Variants in EML6 observed in about 807,000 individuals in gnomAD.
EML6 encodes the protein echinoderm microtubule-associated protein-like 6.
In EML6, 154 loss-of-function variants were observed where a neutral mutation model predicts 240.1. The ratio of observed to expected loss-of-function variants is 0.64; its 90% CI spans 0.56 to 0.73. EML6 has a LOEUF of 0.73. Ranked by LOEUF, EML6 falls within the 30% of genes least tolerant of loss-of-function variation. The pLI, the probability that EML6 is intolerant of heterozygous loss-of-function variation, is 0.00. For missense variants in EML6, 2,964 were observed against 2,474.6 expected (o/e 1.20, Z -4.20); for synonymous variants, 1,148 against 899.0 (o/e 1.28, Z -4.95).
In EML6 at chr2:54,829,418, A is replaced by C. The variant is rs1288676069; in HGVS notation, c.788A>C (p.Asp263Ala). 3.2e-6 allele frequency: 5 copies of C among 1,551,882 alleles called. No individual in the cohort carries two copies. The highest frequency in any genetic ancestry group is 4.4e-6 in the Non-Finnish European group (5 of 1,146,832). The change falls in exon 7 of 42, where the codon GAC (aspartate) becomes GCC (alanine). Residue 263 changes from aspartate to alanine, a missense_variant. Transcript: ENST00000356458. ...GGRDGCIRLW[D>A]TDFKPITKID... is the part of the protein sequence containing the mutation. ...CGAGATGGGTGTATACGACTGTGGG[A>C]CACTGATTTCAAACCAATAACCAAA... is the stretch of plus-strand genomic sequence containing the variant.
rs144873974 is a variant in EML6 at position 54,753,523 on chromosome 2, G to T, written c.197+28265G>T. Among the ~76,000 whole-genome samples the T allele has an allele frequency of 1.8e-3, 281 of 152,274 alleles. 4 individuals carry two copies. In the South Asian group the frequency reaches 0.038, roughly 20 times the overall value. On this transcript the variant is annotated intron_variant, in intron 2 of 41. Transcript: ENST00000356458. Reference sequence around the variant, plus strand: ...TGGAAGTAGTGATGCTATGAGGAAGGCTCGACTGACCATTGCTGGCTTTGA... The same window carrying T: ...TGGAAGTAGTGATGCTATGAGGAAGTCTCGACTGACCATTGCTGGCTTTGA...
At chr2:54,766,984 C>T (rs1185907978) in intron 2 of EML6, among the ~76,000 whole-genome samples, 1 of 152,020 alleles carries the variant, frequency 6.6e-6, no homozygotes, top group Non-Finnish European at 1.5e-5. Context: ...GCAATAGCAG[C>T]TAAAAGTAGC....
chr2:54,910,045 T>C (rs186126650), intron 24 of EML6, among the ~76,000 whole-genome samples: 2 of 152,246 alleles, frequency 1.3e-5, no homozygotes, highest in East Asian at 1.9e-4. Flanking sequence ...TGTATATGTA[T>C]ACTGAATTAT....
chr2:54,869,445 A>G, intron 15 of EML6, 78 bp downstream of exon 15: 1 of 1,092,974 alleles, frequency 9.1e-7, no homozygotes, highest in Non-Finnish European at 1.3e-6. Context: ...TTAGAAATTC[A>G]AGAAATGCTT....
Position 54,838,804 on chromosome 2 carries a change from G to T in EML6, c.848-5243G>T, listed in dbSNP as rs1222933360. ...CGTTTCTCATCACAAGTGGCACAGG[G>T]TATGGTGTCCAAATGTGGACACCTC... On this transcript the variant is annotated intron_variant, in intron 7 of 41. Coordinates refer to ENST00000356458, the MANE Select transcript of EML6 (RefSeq NM_001039753.4). Among the ~76,000 whole-genome samples the T allele has an allele frequency of 2.0e-5, 3 of 152,286 alleles. No homozygotes were observed. The East Asian group carries it at 5.8e-4, about 29-fold the overall frequency.
intron 2 of EML6, among the ~76,000 whole-genome samples, chr2:54,790,814 C>G (rs1010854148): frequency 2.0e-5 from 3 of 151,368 alleles, no homozygotes; most frequent in Non-Finnish European, 2.9e-5. Context: ...CAAGCTCCGC[C>G]TCCCAGGTTC....
chr2:54,843,819 T>G (rs1442604828), intron 7 of EML6, among the ~76,000 whole-genome samples: 7 of 132,704 alleles, frequency 5.3e-5, no homozygotes, highest in Admixed American at 4.2e-4. Context: ...CTCTATAGTC[T>G]GGGTGACAGA....
At chr2:54,750,026 T>C (rs938245317) in intron 2 of EML6, among the ~76,000 whole-genome samples, 1 of 152,228 alleles carries the variant, frequency 6.6e-6, no homozygotes, top group African/African-American at 2.4e-5. Flanking sequence ...TGATGTTTGC[T>C]GAAAGCAATG....
intron 2 of EML6, among the ~76,000 whole-genome samples, chr2:54,778,925 T>A (rs185432286): frequency 1.1e-4 from 16 of 145,904 alleles, no homozygotes; most frequent in Non-Finnish European, 2.1e-4. Context: ...AAGAAGTGAA[T>A]TGTTAAATTA....
At chr2:54,945,089 T>C (rs1349626453) in intron 28 of EML6, among the ~76,000 whole-genome samples, 1 of 107,158 alleles carries the variant, frequency 9.3e-6, no homozygotes, top group African/African-American at 3.7e-5. Flanking sequence ...TTCCTCCCTC[T>C]CTCCCTCCTC....
chr2:54,963,121 G>A (rs1676596921), intron 36 of EML6, among the ~76,000 whole-genome samples: 2 of 151,518 alleles, frequency 1.3e-5, no homozygotes, highest in Admixed American at 1.3e-4. Flanking sequence ...GGAGTGGCTG[G>A]GCGGAGCGGG....
intron 17 of EML6, among the ~76,000 whole-genome samples, chr2:54,883,261 C>T (rs149011647): frequency 1.3e-5 from 2 of 152,186 alleles, no homozygotes; most frequent in Non-Finnish European, 2.9e-5. Context: ...GAGTATTGTA[C>T]ATATGCTCTA....
intron 3 of EML6, among the ~76,000 whole-genome samples, chr2:54,815,980 C>T (rs986198336): frequency 1.3e-5 from 2 of 152,128 alleles, no homozygotes; most frequent in African/African-American, 4.8e-5. Context: ...ATTTTTTATA[C>T]CCATTGTACA....
chr2:54,932,931 C>G (rs551754747), intron 28 of EML6, among the ~76,000 whole-genome samples: 1 of 152,302 alleles, frequency 6.6e-6, no homozygotes, highest in East Asian at 1.9e-4. Context: ...CCAACCCAAA[C>G]TGGCCTAAGC....
chr2:54,909,595 C>A (rs929314521), intron 24 of EML6, among the ~76,000 whole-genome samples: 1 of 152,070 alleles, frequency 6.6e-6, no homozygotes, highest in Non-Finnish European at 1.5e-5. Context: ...CATATAATCC[C>A]AGCACTTTGG....
At position 54,910,984 on chromosome 2, in the gene EML6, G is replaced by C; in HGVS notation, c.3440G>C (p.Arg1147Thr). 6.5e-7 allele frequency: 1 copy of C among 1,537,944 alleles called. No homozygotes were observed. The highest frequency in any genetic ancestry group is 8.8e-7 in the Non-Finnish European group (1 of 1,137,216). Residue 1147 changes from arginine to threonine, a missense_variant, in exon 25 of 42, where the codon AGA becomes ACA. Physicochemically the swap from Arg to Thr is moderately conservative, Grantham distance 71. Transcript: ENST00000356458. ...GKLLQVNSGA[R>T]EQLFFEAPRG... ...TTATTGCAAGTGAATTCAGGTGCCAGAGAACAACTTTTTTTTGAAGCTCCA... is the reference window on the plus strand; with the variant it reads ...TTATTGCAAGTGAATTCAGGTGCCACAGAACAACTTTTTTTTGAAGCTCCA...
chr2:54,859,824 T>C (rs1271120371), intron 12 of EML6, 123 bp downstream of exon 12: 19 of 731,694 alleles, frequency 2.6e-5, no homozygotes, highest in Non-Finnish European at 3.7e-5. Context: ...TCCTGTAATC[T>C]TAAAATTTTA....
chr2:54,820,719 G>T (rs942297935), intron 5 of EML6, among the ~76,000 whole-genome samples: 3 of 152,124 alleles, frequency 2.0e-5, no homozygotes, highest in Admixed American at 6.5e-5. Flanking sequence ...ATTAAATATC[G>T]AACTGAAGAC....
At chr2:54,789,994 G>A (rs1054395931) in intron 2 of EML6, among the ~76,000 whole-genome samples, 2 of 152,140 alleles carry the variant, frequency 1.3e-5, no homozygotes, top group South Asian at 2.1e-4. Flanking sequence ...TTTGCAATGC[G>A]TATATGTGTT....
Sources: gnomAD v4.1 joint callset for allele counts (sites outside exome capture counted in the v4.1 genomes callset) on GRCh38, gnomAD v4.1.1 for gene constraint, MANE v1.5 for transcripts, NCBI Gene and HGNC (gene_info 2026-07-23, HGNC 2026-07-21) for gene names.